The following PYM1 variants were observed in gnomAD, a reference collection of about 807,000 sequenced individuals.
PYM1 encodes the protein PYM1 exon junction complex associated factor.
In PYM1, 7 loss-of-function variants were observed where a neutral mutation model predicts 20.7. That is an observed-to-expected ratio of 0.34 (90% CI 0.19 to 0.64). The LOEUF (loss-of-function observed/expected upper bound fraction) is 0.64, where lower values mean the gene tolerates loss of function less well. Ranked by LOEUF, PYM1 falls within the 30% of genes least tolerant of loss-of-function variation. PYM1 has a pLI of 0.74. For missense variants in PYM1, 194 were observed against 250.0 expected (o/e 0.78, Z 1.51); for synonymous variants, 100 against 99.2 (o/e 1.01, Z -0.05).
intron 1 of PYM1, among the ~76,000 whole-genome samples, chr12:55,911,848 A>C (rs1275346867): frequency 6.7e-6 from 1 of 149,650 alleles, no homozygotes; most frequent in African/African-American, 2.5e-5. Flanking sequence ...TCAAGAAAAG[A>C]GAAGGGGAGG....
chr12:55,910,871 G>A (rs1361114398), intron 1 of PYM1, among the ~76,000 whole-genome samples: 1 of 152,196 alleles, frequency 6.6e-6, no homozygotes, highest in Non-Finnish European at 1.5e-5. Context: ...AACATTTCTG[G>A]TTGACAATTG....
Position 55,901,741 on chromosome 12 carries a change from A to G in PYM1, c.*131T>C. Reference sequence around the variant, plus strand: ...GGAGACGCTAGGCTCTGGAGGACAGAGCTGGGCCGCAGGAGGTGGAAGTAA... The same window carrying G: ...GGAGACGCTAGGCTCTGGAGGACAGGGCTGGGCCGCAGGAGGTGGAAGTAA... On this transcript the variant is annotated 3_prime_UTR_variant, in exon 3 of 3. Coordinates refer to ENST00000408946, the MANE Select transcript of PYM1 (RefSeq NM_032345.3). 2 of 1,292,848 alleles carry G rather than the reference A, an allele frequency of 1.5e-6. No homozygotes were observed. The highest frequency in any genetic ancestry group is 3.0e-5 in the South Asian group (2 of 67,484). The allele number at this position is 1,292,848 out of a possible 1,614,324, so 80.1% of individuals were successfully genotyped here. A position where few individuals can be genotyped will look rare whatever the true frequency, so the allele number is the denominator to read the frequency against.
chr12:55,905,886 ATATT>A (rs1882796740), intron 1 of PYM1, among the ~76,000 whole-genome samples: 1 of 72,254 alleles, frequency 1.4e-5, no homozygotes, highest in Non-Finnish European at 3.0e-5. Flanking sequence ...TTAGATATAT[ATATT>A]ATTATATATA....
At chr12:55,914,071 A>G in intron 1 of PYM1, 1 of 418,184 alleles carries the variant, frequency 2.4e-6, no homozygotes, top group South Asian at 8.2e-5. Context: ...AAACAATTCA[A>G]TTCAGGCAAG....
At chr12:55,909,688 G>A (rs1023137929) in intron 1 of PYM1, among the ~76,000 whole-genome samples, 16 of 151,758 alleles carry the variant, frequency 1.1e-4, no homozygotes, top group African/African-American at 3.1e-4. Context: ...GCACTGGAAC[G>A]TAAGAGACTA....
intron 1 of PYM1, among the ~76,000 whole-genome samples, chr12:55,924,391 C>T (rs1012107591): frequency 2.6e-5 from 4 of 151,992 alleles, no homozygotes; most frequent in African/African-American, 9.7e-5. Context: ...ACCTGTAATC[C>T]CAACATTTTG....
intron 1 of PYM1, among the ~76,000 whole-genome samples, chr12:55,905,934 A>ATATATATATATTATTATATATATCTAT (rs58314400): frequency 1.4e-5 from 1 of 70,238 alleles, no homozygotes; most frequent in Non-Finnish European, 2.6e-5. Context: ...TATATATCTA[A>ATATATATATATTATTATATATATCTAT]TAGATATATA....
intron 1 of PYM1, among the ~76,000 whole-genome samples, chr12:55,907,463 C>CAAAAA (rs770960966): frequency 0.031 from 1,610 of 51,884 alleles, 44 homozygotes; most frequent in African/African-American, 0.097. Context: ...TACATAAATA[C>CAAAAA]AAAAAAAAAA....
At chr12:55,906,923 C>T (rs1303820401) in intron 1 of PYM1, among the ~76,000 whole-genome samples, 2 of 151,988 alleles carry the variant, frequency 1.3e-5, no homozygotes, top group Admixed American at 6.6e-5. Context: ...CCTGAGATTA[C>T]AGGTGTGAGC....
rs1882708412 is a variant in PYM1, at chr12:55,902,303, C to G, written c.184G>C (p.Gly62Arg). 8 of 1,614,030 alleles carry G rather than the reference C, an allele frequency of 5.0e-6. No homozygotes were observed. The highest frequency in any genetic ancestry group is 6.8e-6 in the Non-Finnish European group (8 of 1,179,988). ...FFKSKPELPP[G>R]LSPEATAPVT... is the part of the protein sequence containing the mutation. ...GGAGCAGTGGCCTCAGGGCTTAGCCCTGGGGGCAACTCTGGTTTACTCTTG... is the reference window on the plus strand; with the variant it reads ...GGAGCAGTGGCCTCAGGGCTTAGCCGTGGGGGCAACTCTGGTTTACTCTTG... Residue 62 changes from glycine (G) to arginine (R), a missense_variant, in exon 3 of 3, where the codon GGG (glycine) becomes CGG (arginine). By Grantham distance (125) the Gly-to-Arg change is moderately radical (BLOSUM62 -2). This residue lies in a region of PYM1 where 158 missense variants were observed against 179.0 expected (regional missense o/e 0.88). Transcript: ENST00000408946.
intron 1 of PYM1, among the ~76,000 whole-genome samples, chr12:55,905,876 T>TTAGATATATATATATATCTAA (rs1565714412): frequency 1.3e-5 from 1 of 78,622 alleles, no homozygotes; most frequent in Admixed American, 1.9e-4. Flanking sequence ...TATATATCTA[T>TTAGATATATATATATATCTAA]TAGATATATA....
At chr12:55,926,526 G>A (rs900587526) in intron 1 of PYM1, among the ~76,000 whole-genome samples, 7 of 152,184 alleles carry the variant, frequency 4.6e-5, no homozygotes, top group Non-Finnish European at 8.8e-5. Flanking sequence ...GAAAACTCAA[G>A]CTGAAAGTTG....
At chr12:55,927,251 G>A (rs781210483) in intron 1 of PYM1, 14 of 1,214,798 alleles carry the variant, frequency 1.2e-5, no homozygotes, top group South Asian at 2.6e-5. Context: ...GGTGGAGGAG[G>A]AGGAAGAGTG....
chr12:55,920,107 G>A (rs1883073273), intron 1 of PYM1, among the ~76,000 whole-genome samples: 1 of 152,004 alleles, frequency 6.6e-6, no homozygotes, highest in Non-Finnish European at 1.5e-5. Flanking sequence ...GGAGGAGGAG[G>A]CAGGAGAATT....
chr12:55,922,579 C>T (rs1486839233), intron 1 of PYM1, among the ~76,000 whole-genome samples: 11 of 151,700 alleles, frequency 7.3e-5, no homozygotes, highest in Non-Finnish European at 5.9e-5. Flanking sequence ...ATGGCATCAC[C>T]GCACTCCAGT....
intron 1 of PYM1, among the ~76,000 whole-genome samples, chr12:55,913,149 G>A (rs1882953812): frequency 6.6e-6 from 1 of 152,144 alleles, no homozygotes; most frequent in South Asian, 2.1e-4. Flanking sequence ...CAGCCTTCCT[G>A]ACTTCCTTAC....
chr12:55,912,321 C>T (rs978149924), intron 1 of PYM1, among the ~76,000 whole-genome samples: 1 of 151,990 alleles, frequency 6.6e-6, no homozygotes, highest in African/African-American at 2.4e-5. Flanking sequence ...CACTGCACTC[C>T]AGCCTGGGTG....
At chr12:55,924,051 G>C (rs554389260) in intron 1 of PYM1, among the ~76,000 whole-genome samples, 1 of 151,948 alleles carries the variant, frequency 6.6e-6, no homozygotes, top group East Asian at 1.9e-4. Context: ...ACTCCAGCCT[G>C]GGCGACAGAG....
At chr12:55,926,725 G>A (rs1008372972) in intron 1 of PYM1, among the ~76,000 whole-genome samples, 5 of 152,152 alleles carry the variant, frequency 3.3e-5, no homozygotes, top group African/African-American at 1.2e-4. Context: ...GGAAAAGAAG[G>A]AGGGCAGGAA....
Sources: gnomAD v4.1 joint callset for allele counts (sites outside exome capture counted in the v4.1 genomes callset) on GRCh38, gnomAD v4.1.1 for gene constraint, gnomAD v4.1.1 regional missense constraint, MANE v1.5 for transcripts, NCBI Gene and HGNC (gene_info 2026-07-23, HGNC 2026-07-21) for gene names.